Variants in INTS9 observed in about 807,000 individuals in gnomAD.
INTS9 encodes integrator complex subunit 9, also known as protein related to CPSF subunits of 74 kDa.
Under a neutral mutation model 79.7 loss-of-function variants are expected in INTS9, and 55 were observed. The ratio of observed to expected loss-of-function variants is 0.69; its 90% CI spans 0.56 to 0.86. The LOEUF is 0.86. Among genes scored for constraint, INTS9 ranks in the 40% least tolerant of loss-of-function variants. INTS9 has a pLI of 0.00. For missense variants in INTS9, 721 were observed against 831.5 expected, an observed-to-expected ratio of 0.87 and a Z score of 1.64; for synonymous variants, 319 against 325.2, an observed-to-expected ratio of 0.98 and a Z score of 0.20.
intron 4 of INTS9, among the ~76,000 whole-genome samples, chr8:28,841,981 C>T (rs1482469863): frequency 3.3e-5 from 5 of 151,914 alleles, no homozygotes; most frequent in African/African-American, 4.8e-5. Context: ...CCCAGCTACT[C>T]GGAGGCTGAG....
chr8:28,851,295 A>C (rs548687446), intron 2 of INTS9, among the ~76,000 whole-genome samples: 3 of 152,208 alleles, frequency 2.0e-5, no homozygotes, highest in Admixed American at 2.0e-4. Context: ...GATAGGTATG[A>C]AAGTCAACAC....
chr8:28,777,351 AC>A (rs1802947866), intron 13 of INTS9, among the ~76,000 whole-genome samples: 1 of 152,150 alleles, frequency 6.6e-6, no homozygotes, highest in South Asian at 2.1e-4. Context: ...CTCCTGGTCT[AC>A]ACTGCACCCC....
chr8:28,865,259 T>TAAAAAA (rs200979621), intron 1 of INTS9, among the ~76,000 whole-genome samples: 1 of 151,070 alleles, frequency 6.6e-6, no homozygotes. Context: ...AATTTTATTT[T>TAAAAAA]AAAAAAAACA....
intron 12 of INTS9, 137 bp from the exon 13 acceptor site, chr8:28,778,090 A>G: frequency 3.2e-6 from 3 of 935,466 alleles, no homozygotes; most frequent in Non-Finnish European, 3.0e-6. Context: ...TGGGGGACGG[A>G]GGTCAAAGGG....
intron 8 of INTS9, among the ~76,000 whole-genome samples, chr8:28,804,527 G>C (rs1804697586): frequency 6.6e-6 from 1 of 151,794 alleles, no homozygotes; most frequent in Admixed American, 6.6e-5. Flanking sequence ...AGAACACCAA[G>C]CCACTCCTTG....
At position 28,824,659 on chromosome 8, in the gene INTS9, C is replaced by T. The variant is rs149294991; in HGVS notation, c.488+10633G>A. 3.4e-3 allele frequency among the ~76,000 whole-genome samples: 513 copies of T among 152,278 alleles called. 11 individuals carry two copies. Among genetic ancestry groups the T allele is most frequent in the Non-Finnish European group, 1.3e-3 (89 of 68,030 alleles). On this transcript the variant is annotated intron_variant, in intron 6 of 16. Transcript: ENST00000521022. ...ACAGAAGCCCACTTTGGACTGAGGCCGCCGCAGGGGCTGCTGCTCCTGCAT... is the reference window on the plus strand; with the variant it reads ...ACAGAAGCCCACTTTGGACTGAGGCTGCCGCAGGGGCTGCTGCTCCTGCAT...
At chr8:28,775,413 T>C (rs1802807445) in intron 14 of INTS9, among the ~76,000 whole-genome samples, 2 of 151,874 alleles carry the variant, frequency 1.3e-5, no homozygotes, top group African/African-American at 4.8e-5. Flanking sequence ...CTCGGCTCAC[T>C]GCAACCTCCA....
intron 6 of INTS9, among the ~76,000 whole-genome samples, chr8:28,827,308 T>C (rs1041497575): frequency 2.0e-5 from 3 of 152,220 alleles, no homozygotes; most frequent in African/African-American, 7.2e-5. Context: ...ATGCCAAAGC[T>C]CTGCGGCCTC....
chr8:28,775,686 G>T, intron 14 of INTS9, 73 bp downstream of exon 14: 1 of 1,474,636 alleles, frequency 6.8e-7, no homozygotes, highest in Non-Finnish European at 9.3e-7. Flanking sequence ...TCCAAAAGAA[G>T]GCCACCCCTG....
intron 6 of INTS9, among the ~76,000 whole-genome samples, chr8:28,816,290 C>T (rs1395927995): frequency 2.8e-5 from 4 of 145,072 alleles, no homozygotes; most frequent in African/African-American, 1.0e-4. Context: ...TCCCCTAAAG[C>T]TGTCCCTCCC....
chr8:28,783,888 G>T (rs1803438207), intron 11 of INTS9: 2 of 152,224 alleles, frequency 1.3e-5, no homozygotes, highest in Admixed American at 1.3e-4. Flanking sequence ...GATGATGAAT[G>T]TGATTCTAAG....
intron 6 of INTS9, among the ~76,000 whole-genome samples, chr8:28,820,390 T>C (rs940414039): frequency 2.0e-5 from 3 of 152,226 alleles, no homozygotes; most frequent in African/African-American, 7.2e-5. Flanking sequence ...TGTACACTTA[T>C]GAAGCTTAGT....
rs554155507 is a variant in INTS9, at chr8:28,872,408, G to A, written c.10-12845C>T. On this transcript the variant is annotated intron_variant, in intron 1 of 16. Coordinates refer to ENST00000521022, the MANE Select transcript of INTS9 (RefSeq NM_018250.4). Reference sequence around the variant, plus strand: ...CCAAATGAAAAAGCTTATGAGCATTGTCTCTCATTAACTATATGTCTCTTC... The same window carrying A: ...CCAAATGAAAAAGCTTATGAGCATTATCTCTCATTAACTATATGTCTCTTC... 1.2e-4 allele frequency among the ~76,000 whole-genome samples: 19 copies of A among 152,184 alleles called. 1 individual carries two copies. The highest frequency in any genetic ancestry group is 8.5e-4 in the Admixed American group (13 of 15,288).
intron 6 of INTS9, among the ~76,000 whole-genome samples, chr8:28,831,013 T>C (rs1806450434): frequency 6.6e-6 from 1 of 152,200 alleles, no homozygotes; most frequent in Admixed American, 6.5e-5. Flanking sequence ...TGCAAGTGTA[T>C]GTTCATTGCA....
chr8:28,821,901 C>A (rs1805854269), intron 6 of INTS9, among the ~76,000 whole-genome samples: 1 of 151,982 alleles, frequency 6.6e-6, no homozygotes. Flanking sequence ...TCCAAAGTAG[C>A]TGGGACTACA....
chr8:28,811,457 T>C (rs1805136840), intron 8 of INTS9, among the ~76,000 whole-genome samples: 1 of 151,080 alleles, frequency 6.6e-6, no homozygotes, highest in African/African-American at 2.4e-5. Context: ...AATCTCACTC[T>C]GTTACCCGCA....
intron 3 of INTS9, among the ~76,000 whole-genome samples, chr8:28,848,887 G>A (rs892559936): frequency 1.3e-5 from 2 of 152,162 alleles, no homozygotes; most frequent in Non-Finnish European, 2.9e-5. Context: ...CGCTGGTAAT[G>A]GGATGCTTCG....
At position 28,768,052 on chromosome 8, in the gene INTS9, CAGTTAA is replaced by C; in HGVS notation, c.*88_*93del. The C allele has an allele frequency of 8.7e-7, 1 of 1,148,484 alleles. No individual in the cohort carries two copies. The allele number at this position is 1,148,484 out of a possible 1,614,324, so 71.1% of individuals were successfully genotyped here. On this transcript the variant is annotated 3_prime_UTR_variant, in exon 17 of 17. Coordinates refer to ENST00000521022, the MANE Select transcript of INTS9 (RefSeq NM_018250.4). The stretch of plus-strand genomic sequence containing the variant: ...TAAGCCAGAGGACACCACAAAGACA[CAGTTAA>C]TGGCCTCTCATGCCACTCCTCAGGT...
intron 8 of INTS9, among the ~76,000 whole-genome samples, chr8:28,807,856 A>G (rs1804895875): frequency 6.6e-6 from 1 of 152,240 alleles, no homozygotes; most frequent in Admixed American, 6.5e-5. Context: ...GTAGTATTAT[A>G]GGGCTCAGTC....
Sources: allele counts gnomAD v4.1 joint callset (sites outside exome capture counted in the v4.1 genomes callset), GRCh38; gene constraint gnomAD v4.1.1; transcripts MANE v1.5; gene names NCBI Gene and HGNC (gene_info 2026-07-23, HGNC 2026-07-21).